CFAP97D2: variants seen among roughly 807,000 people sequenced by gnomAD.
The protein encoded by CFAP97D2 is CFAP97 domain containing 2, also known as uncharacterized protein CFAP97D2.
In CFAP97D2 at chr13:114,201,027, G is replaced by A. The variant is rs143318621; in HGVS notation, c.290+584G>A. On this transcript the variant is annotated intron_variant, in intron 3 of 4. Transcript: ENST00000646158. ...GGTCCCAGCCTGGGATACTGGTACT[G>A]CTCTTTCATAACCTCACTTTTCACC... 2.0e-5 allele frequency among the ~76,000 whole-genome samples: 3 copies of A among 152,272 alleles called. No individual in the cohort carries two copies. The East Asian group carries it at 5.8e-4, about 29-fold the overall frequency.
At chr13:114,182,279 G>A (rs562820302) in intron 1 of CFAP97D2, among the ~76,000 whole-genome samples, 3,758 of 151,868 alleles carry the variant, frequency 0.025, 167 homozygotes, top group African/African-American at 0.086. Flanking sequence ...TCTCAGTGGA[G>A]TAAAGAATAA....
chr13:114,204,982 G>C (rs2080932854), intron 3 of CFAP97D2, among the ~76,000 whole-genome samples: 1 of 152,162 alleles, frequency 6.6e-6, no homozygotes, highest in African/African-American at 2.4e-5. Flanking sequence ...CAGTGATAAA[G>C]ACAATGACCT....
intron 4 of CFAP97D2, among the ~76,000 whole-genome samples, chr13:114,221,880 A>G (rs558571314): frequency 3.9e-5 from 6 of 152,236 alleles, no homozygotes; most frequent in Non-Finnish European, 8.8e-5. Context: ...GAGACTTGAA[A>G]ACATACATTC....
At chr13:114,220,579 A>C (rs2081017002) in intron 4 of CFAP97D2, among the ~76,000 whole-genome samples, 1 of 152,246 alleles carries the variant, frequency 6.6e-6, no homozygotes, top group Non-Finnish European at 1.5e-5. Context: ...GATTTATATA[A>C]GATTATCCAA....
At chr13:114,182,239 G>T (rs144449736) in intron 1 of CFAP97D2, among the ~76,000 whole-genome samples, 9,096 of 149,790 alleles carry the variant, frequency 0.061, 546 homozygotes, top group African/African-American at 0.13. Context: ...GTGCACGTAG[G>T]CCAGATTTAT....
rs1438337906 is a variant in CFAP97D2 at position 114,211,543 on chromosome 13, G to A, written c.291-369G>A. 7.3e-5 allele frequency among the ~76,000 whole-genome samples: 11 copies of A among 151,574 alleles called. No individual in the cohort carries two copies. Among genetic ancestry groups the A allele is most frequent in the African/African-American group, 2.4e-4 (10 of 41,146 alleles). On this transcript the variant is annotated intron_variant, in intron 3 of 4. Transcript: ENST00000646158. This position sits in a 1 kb window ranked among gnomAD's most constrained non-coding sequence, Gnocchi z 4.2. Reference sequence around the variant, plus strand: ...ACCCTGCTCTCCGCCATGGGTGCCCGGGTGCTCGCCCTCCCTGCCTGGGAC... The same window carrying A: ...ACCCTGCTCTCCGCCATGGGTGCCCAGGTGCTCGCCCTCCCTGCCTGGGAC...
intron 4 of CFAP97D2, among the ~76,000 whole-genome samples, chr13:114,217,316 A>T (rs1184176415): frequency 6.6e-6 from 1 of 152,238 alleles, no homozygotes; most frequent in African/African-American, 2.4e-5. Context: ...ACACCCTCCC[A>T]AGACTAAACC....
Position 114,189,040 on chromosome 13 carries a change from T to C in CFAP97D2, c.91-7356T>C, listed in dbSNP as rs2080860422. Among the ~76,000 whole-genome samples, 1 of 148,874 alleles carries C rather than the reference T, an allele frequency of 6.7e-6. No individual in the cohort carries two copies. On this transcript the variant is annotated intron_variant, in intron 1 of 4. Coordinates refer to ENST00000646158, the Ensembl canonical transcript of CFAP97D2. The surrounding 1 kb of genome is among the most constrained non-coding windows in gnomAD (Gnocchi z 4.5). ...CTATTATTAGTAATATTATTACTTA[T>C]ATTACTAGTATATATGTAATAATAT...
rs2080852888 is a variant in CFAP97D2 at position 114,186,134 on chromosome 13, T to C, written c.90+6714T>C. ...GGATGGAGATATGATGGGGAGACGA[T>C]GGGCTGACTAGCTGCAGGGAGGAGC... is the stretch of plus-strand genomic sequence containing the variant. On this transcript the variant is annotated intron_variant, in intron 1 of 4. Transcript: ENST00000646158. This position sits in a 1 kb window ranked among gnomAD's most constrained non-coding sequence, Gnocchi z 4.3. 6.6e-6 allele frequency among the ~76,000 whole-genome samples: 1 copy of C among 152,138 alleles called. No individual in the cohort carries two copies. The highest frequency in any genetic ancestry group is 1.5e-5 in the Non-Finnish European group (1 of 68,016).
intron 1 of CFAP97D2, among the ~76,000 whole-genome samples, chr13:114,182,126 A>T (rs9590470): frequency 0.48 from 66,322 of 139,568 alleles, 17,154 homozygotes; most frequent in African/African-American, 0.6. Context: ...CAAAAAGGAA[A>T]GTAGTAGGAG....
Position 114,189,218 on chromosome 13 carries a change from C to T in CFAP97D2, c.91-7178C>T, listed in dbSNP as rs118140700. ...AGGGATACTATGAACAAATTTATGCCCACAAATTTGATAACCTAAATGAAA... is the reference window on the plus strand; with the variant it reads ...AGGGATACTATGAACAAATTTATGCTCACAAATTTGATAACCTAAATGAAA... On this transcript the variant is annotated intron_variant, in intron 1 of 4. Transcript: ENST00000646158. The surrounding 1 kb of genome is among the most constrained non-coding windows in gnomAD (Gnocchi z 4.5). Among the ~76,000 whole-genome samples, 1,757 of 151,846 alleles carry T rather than the reference C, an allele frequency of 0.012. 96 individuals carry two copies. The highest frequency in any genetic ancestry group is 0.081 in the Admixed American group (1,237 of 15,228).
intron 1 of CFAP97D2, among the ~76,000 whole-genome samples, chr13:114,193,556 C>G (rs1465633393): frequency 6.6e-6 from 1 of 152,020 alleles, no homozygotes; most frequent in Non-Finnish European, 1.5e-5. Flanking sequence ...CATGAGAGAC[C>G]CCACTCCCAA....
chr13:114,181,823 C>T (rs2080833361), intron 1 of CFAP97D2, among the ~76,000 whole-genome samples: 1 of 152,146 alleles, frequency 6.6e-6, no homozygotes. Flanking sequence ...GCCTCATCCT[C>T]AGCCCAGCCT....
chr13:114,196,998 T>C (rs971934075), intron 2 of CFAP97D2, among the ~76,000 whole-genome samples: 4 of 152,162 alleles, frequency 2.6e-5, no homozygotes, highest in South Asian at 2.1e-4. Context: ...CTGGAATCAA[T>C]AGAAGGGAGT....
At chr13:114,206,104 CTTTTT>C (rs57411812) in intron 3 of CFAP97D2, among the ~76,000 whole-genome samples, 2 of 138,020 alleles carry the variant, frequency 1.4e-5, no homozygotes, top group African/African-American at 2.7e-5. Context: ...TTTTCTTTTC[CTTTTT>C]TTTTTTTTTT....
intron 1 of CFAP97D2, among the ~76,000 whole-genome samples, chr13:114,184,751 T>A (rs1311941991): frequency 6.6e-6 from 1 of 152,146 alleles, no homozygotes; most frequent in Non-Finnish European, 1.5e-5. Context: ...AGAACAAAAA[T>A]GGTGTAGGTC....
intron 1 of CFAP97D2, among the ~76,000 whole-genome samples, chr13:114,192,119 T>C (rs1468406096): frequency 2.6e-5 from 4 of 152,058 alleles, no homozygotes; most frequent in Non-Finnish European, 5.9e-5. Context: ...TTTAGGGCCA[T>C]GAAAATATGC....
In CFAP97D2 at chr13:114,186,075, A is replaced by G. The variant is rs556597216; in HGVS notation, c.90+6655A>G. Among the ~76,000 whole-genome samples the G allele has an allele frequency of 6.6e-6, 1 of 152,332 alleles. No homozygotes were observed. Among genetic ancestry groups the G allele is most frequent in the Non-Finnish European group, 1.5e-5 (1 of 68,032 alleles). ...ATGCACTTCCTCCACACTGAGGCCC[A>G]TAAAAACCCTGGACTCAGCCAGACT... is the stretch of plus-strand genomic sequence containing the variant. On this transcript the variant is annotated intron_variant, in intron 1 of 4. Transcript: ENST00000646158. This position sits in a 1 kb window ranked among gnomAD's most constrained non-coding sequence, Gnocchi z 4.3.
rs573569168 is a variant in CFAP97D2, at chr13:114,214,017, C to T, written c.480+1916C>T. The T allele has an allele frequency of 1.2e-4, 18 of 153,132 alleles. No homozygotes were observed. In the South Asian group the frequency reaches 3.4e-3, roughly 29 times the overall value. The allele number at this position is 153,132 out of a possible 1,614,324, so 9.5% of individuals were successfully genotyped here. ...CAGGACCACAGACCCCACCCGTGTA[C>T]AAGCTCCTAACCCTAACCCTAACCC... is the stretch of plus-strand genomic sequence containing the variant. On this transcript the variant is annotated intron_variant, in intron 4 of 4. Coordinates refer to ENST00000646158, the Ensembl canonical transcript of CFAP97D2.
Sources: gnomAD v4.1 joint callset for allele counts (sites outside exome capture counted in the v4.1 genomes callset) on GRCh38, gnomAD v4.1.1 for gene constraint, Gnocchi (gnomAD v3.1) non-coding constraint, MANE v1.5 for transcripts, NCBI Gene and HGNC (gene_info 2026-07-23, HGNC 2026-07-21) for gene names.